TRAK1: variants seen among roughly 807,000 people sequenced by gnomAD.
TRAK1 encodes trafficking kinesin-binding protein 1.
A neutral mutation model predicts 92.1 loss-of-function variants in TRAK1; 33 were observed. The observed-to-expected ratio is 0.36, with a 90% CI of 0.27 to 0.48. The LOEUF is 0.48. TRAK1 is among the 20% of genes least tolerant of loss of function. The pLI is 0.99. For synonymous variants in TRAK1, 521 were observed against 517.3 expected (o/e 1.01, Z -0.10); for missense variants, 1,123 against 1,257.9 (o/e 0.89, Z 1.62).
rs1173702776 is a variant in TRAK1 at position 42,189,082 on chromosome 3, G to C, written c.648G>C (p.Lys216Asn). The change falls in exon 6 of 16, where the codon AAG becomes AAC. Residue 216 changes from lysine to asparagine, a missense_variant. Physicochemically the swap from Lys to Asn is moderately conservative, Grantham distance 94. This residue lies in a region of TRAK1 where 686 missense variants were observed against 747.6 expected (regional missense o/e 0.92). Transcript: ENST00000327628. ...NYFHLDSLQKKLKDLEEENVV... is the reference protein window; with the variant it reads ...NYFHLDSLQKNLKDLEEENVV... ...TTCATTTGGATTCTCTTCAAAAGAA[G>C]CTGAAAGACCTTGAAGAGGAGAATG... is the stretch of plus-strand genomic sequence containing the variant. The C allele has an allele frequency of 6.2e-7, 1 of 1,614,082 alleles. No individual in the cohort carries two copies. The highest frequency in any genetic ancestry group is 1.3e-5 in the African/African-American group (1 of 74,946).
intron 3 of TRAK1, among the ~76,000 whole-genome samples, chr3:42,181,485 A>C (rs1315270059): frequency 2.0e-5 from 3 of 152,208 alleles, no homozygotes; most frequent in Non-Finnish European, 4.4e-5. Flanking sequence ...CGGAGGTTGC[A>C]GTGAGCTGAG....
intron 4 of TRAK1, among the ~76,000 whole-genome samples, chr3:42,186,239 C>T (rs1704831185): frequency 1.3e-5 from 2 of 152,138 alleles, no homozygotes; most frequent in Admixed American, 1.3e-4. Flanking sequence ...GCCTTGGTCT[C>T]CCAAAATGCT....
chr3:42,143,389 G>T (rs1433792153), intron 2 of TRAK1, among the ~76,000 whole-genome samples: 7 of 150,828 alleles, frequency 4.6e-5, no homozygotes, highest in Admixed American at 4.6e-4. Context: ...AGTGGAAAAG[G>T]CTTAGGACGG....
At chr3:42,031,413 T>C (rs1167806446) in intron 1 of TRAK1, among the ~76,000 whole-genome samples, 3 of 151,558 alleles carry the variant, frequency 2.0e-5, no homozygotes, top group African/African-American at 7.3e-5. Flanking sequence ...CCCAGCACTT[T>C]GGGAGGCTGA....
Position 42,033,701 on chromosome 3 carries a change from A to G in TRAK1, c.-519+19584A>G, listed in dbSNP as rs1702229442. Among the ~76,000 whole-genome samples the G allele has an allele frequency of 3.3e-5, 5 of 152,320 alleles. No homozygotes were observed. The South Asian group carries it at 1.0e-3, about 32-fold the overall frequency. The stretch of plus-strand genomic sequence containing the variant: ...TGTGGTTGTGGGGATTAGATAAGGC[A>G]ATATATATAAAGTTCTGCCTTGCTC... On this transcript the variant is annotated intron_variant, in intron 1 of 16. Coordinates refer to the TRAK1 transcript ENST00000487159.
chr3:42,208,122 C>T (rs963169750), intron 13 of TRAK1, among the ~76,000 whole-genome samples: 3 of 152,126 alleles, frequency 2.0e-5, no homozygotes, highest in Admixed American at 6.5e-5. Flanking sequence ...AGTGAGAGAA[C>T]GGATATGTGA....
At chr3:42,119,770 T>C (rs940119758) in intron 1 of TRAK1, among the ~76,000 whole-genome samples, 2 of 152,140 alleles carry the variant, frequency 1.3e-5, no homozygotes, top group Admixed American at 6.5e-5. Context: ...GGAAACACAG[T>C]TTTTAGCTGG....
chr3:42,177,257 T>A (rs1054787960), intron 3 of TRAK1, among the ~76,000 whole-genome samples: 1 of 152,254 alleles, frequency 6.6e-6, no homozygotes, highest in Non-Finnish European at 1.5e-5. Flanking sequence ...TTTAAGTTTT[T>A]ACTTAGGCTA....
intron 1 of TRAK1, among the ~76,000 whole-genome samples, chr3:42,069,940 CT>C (rs1703846608): frequency 6.6e-6 from 1 of 151,906 alleles, no homozygotes; most frequent in African/African-American, 2.4e-5. Context: ...CAACTGCTGC[CT>C]CCCGGGTTCA....
chr3:42,020,226 G>A (rs1196728744), intron 1 of TRAK1, among the ~76,000 whole-genome samples: 6 of 152,238 alleles, frequency 3.9e-5, no homozygotes, highest in East Asian at 3.8e-4. Flanking sequence ...AGGTTGACAA[G>A]TTAACTAGAA....
chr3:42,159,342 T>C (rs1437540852), intron 2 of TRAK1, among the ~76,000 whole-genome samples: 1 of 152,170 alleles, frequency 6.6e-6, no homozygotes, highest in Admixed American at 6.5e-5. Flanking sequence ...AGCTGGGAGA[T>C]GGCTGAAGCA....
At chr3:42,208,039 C>T (rs547834040) in intron 13 of TRAK1, among the ~76,000 whole-genome samples, 3 of 152,206 alleles carry the variant, frequency 2.0e-5, no homozygotes, top group East Asian at 3.9e-4. Context: ...ACCAAATGTC[C>T]CTGGGGGAGT....
chr3:42,219,713 A>G, intron 15 of TRAK1, 117 bp downstream of exon 15: 1 of 1,054,912 alleles, frequency 9.5e-7, no homozygotes, highest in South Asian at 1.4e-5. Context: ...AAACCAACTG[A>G]AGCCAGTGTA....
chr3:42,092,198 T>A (rs1705162863), intron 1 of TRAK1, among the ~76,000 whole-genome samples: 1 of 152,130 alleles, frequency 6.6e-6, no homozygotes, highest in African/African-American at 2.4e-5. Flanking sequence ...CTTGTGTCTC[T>A]TGCTGTGGGG....
At chr3:42,079,477 C>CTT (rs748826131) in intron 1 of TRAK1, among the ~76,000 whole-genome samples, 3 of 136,248 alleles carry the variant, frequency 2.2e-5, no homozygotes, top group Admixed American at 7.6e-5. Flanking sequence ...GCTCCTTCTT[C>CTT]TTTTTTTTTT....
chr3:42,170,400 G>C (rs1288558704), intron 2 of TRAK1, among the ~76,000 whole-genome samples: 1 of 152,140 alleles, frequency 6.6e-6, no homozygotes, highest in Non-Finnish European at 1.5e-5. Context: ...CAGACAGTAA[G>C]TGCTTATTAA....
At chr3:42,107,949 C>G (rs531080672) in intron 1 of TRAK1, among the ~76,000 whole-genome samples, 1 of 151,490 alleles carries the variant, frequency 6.6e-6, no homozygotes, top group Non-Finnish European at 1.5e-5. Flanking sequence ...CATGTCACAT[C>G]TAAGAAGGCT....
At chr3:42,041,937 C>T (rs914670632) in intron 1 of TRAK1, among the ~76,000 whole-genome samples, 9 of 151,998 alleles carry the variant, frequency 5.9e-5, no homozygotes, top group Admixed American at 6.5e-5. Flanking sequence ...GGATTGCAGG[C>T]ACGTGTCACC....
chr3:42,177,309 A>T (rs2149364475), intron 3 of TRAK1, among the ~76,000 whole-genome samples: 1 of 152,366 alleles, frequency 6.6e-6, no homozygotes, highest in African/African-American at 2.4e-5. Context: ...AAGTAAAATA[A>T]GCATGGCAAG....
Sources: gnomAD v4.1 joint callset for allele counts (sites outside exome capture counted in the v4.1 genomes callset) on GRCh38, gnomAD v4.1.1 for gene constraint, gnomAD v4.1.1 regional missense constraint, MANE v1.5 for transcripts, NCBI Gene and HGNC (gene_info 2026-07-23, HGNC 2026-07-21) for gene names.